CCDC57: variants seen among roughly 807,000 people sequenced by gnomAD.
CCDC57 encodes the protein coiled-coil domain containing 57.
Under a neutral mutation model 118.9 loss-of-function variants are expected in CCDC57, and 118 were observed. The observed-to-expected ratio is 0.99, with a 90% CI of 0.86 to 1.16. The LOEUF is 1.16. Among genes scored for constraint, CCDC57 ranks in the 50% most tolerant of loss-of-function variants. The pLI is 0.00. For missense variants in CCDC57, 1,300 were observed against 1,320.7 expected (o/e 0.98, Z 0.24); for synonymous variants, 527 against 532.9 (o/e 0.99, Z 0.15).
chr17:82,165,457 T>C (rs1409554709), intron 13 of CCDC57, among the ~76,000 whole-genome samples: 2 of 150,462 alleles, frequency 1.3e-5, no homozygotes, highest in Non-Finnish European at 3.0e-5. Flanking sequence ...ACTGGCCTGG[T>C]GCTAGGCAGC....
At chr17:82,189,802 G>A (rs552852923) in intron 7 of CCDC57, among the ~76,000 whole-genome samples, 3 of 152,102 alleles carry the variant, frequency 2.0e-5, no homozygotes, top group East Asian at 3.9e-4. Context: ...GCAGTGACCC[G>A]AGATCGCACC....
intron 11 of CCDC57, among the ~76,000 whole-genome samples, chr17:82,176,921 C>T (rs1262242940): frequency 6.6e-6 from 1 of 151,270 alleles, no homozygotes; most frequent in Non-Finnish European, 1.5e-5. Flanking sequence ...AGGTAAGTAA[C>T]TGAATTGGCA....
At chr17:82,163,555 A>G (rs1568325127) in intron 13 of CCDC57, among the ~76,000 whole-genome samples, 198 bp from the exon 13 acceptor site, 2 of 152,208 alleles carry the variant, frequency 1.3e-5, no homozygotes, top group African/African-American at 4.8e-5. Context: ...AGAAAGCATA[A>G]TCCTCATGTA....
chr17:82,171,746 G>A, exon 13 of CCDC57: 1 of 1,613,800 alleles, frequency 6.2e-7, no homozygotes, highest in Non-Finnish European at 8.5e-7. Flanking sequence ...GACTCAGCAT[G>A]AGGTGAGGAC....
intron 19 of CCDC57, among the ~76,000 whole-genome samples, chr17:82,102,454 A>C (rs957156728): frequency 2.6e-5 from 4 of 152,218 alleles, no homozygotes; most frequent in African/African-American, 9.6e-5. Context: ...CTTCCTAAAC[A>C]TCGGCTAAAA....
intron 14 of CCDC57, among the ~76,000 whole-genome samples, chr17:82,158,644 C>T (rs2042951175): frequency 2.0e-5 from 3 of 148,288 alleles, no homozygotes; most frequent in South Asian, 2.2e-4. Flanking sequence ...GCCAAGATCG[C>T]GCCAGTGTAC....
chr17:82,134,160 A>C, exon 17 of CCDC57: 3 of 1,352,188 alleles, frequency 2.2e-6, no homozygotes, highest in Non-Finnish European at 2.9e-6. Context: ...TCCGGGCCTC[A>C]GGGGCAGGAG....
intron 7 of CCDC57, among the ~76,000 whole-genome samples, chr17:82,191,039 G>A (rs922393331): frequency 9.9e-5 from 15 of 151,784 alleles, no homozygotes; most frequent in African/African-American, 1.2e-4. Flanking sequence ...TCTAGATGTC[G>A]TGCCTGACTT....
At chr17:82,138,791 G>A (rs2039642431) in intron 16 of CCDC57, among the ~76,000 whole-genome samples, 2 of 151,620 alleles carry the variant, frequency 1.3e-5, no homozygotes, top group South Asian at 2.1e-4. Flanking sequence ...GAGACGTCCC[G>A]GGTGCCCACG....
At chr17:82,152,100 C>A in intron 15 of CCDC57, 1 of 337,468 alleles carries the variant, frequency 3.0e-6, no homozygotes, top group Non-Finnish European at 5.6e-6. Context: ...TTCAAGTGAA[C>A]ACAAGGAGAA....
exon 9 of CCDC57, chr17:82,183,887 T>C (rs753560522): frequency 1.4e-5 from 23 of 1,613,696 alleles, no homozygotes; most frequent in Non-Finnish European, 1.8e-5. Flanking sequence ...GTTGAGCAAT[T>C]TGAGCATCCC....
chr17:82,158,100 G>C (rs1232898240), intron 14 of CCDC57, among the ~76,000 whole-genome samples, 152 bp from the exon 14 acceptor site: 2 of 152,198 alleles, frequency 1.3e-5, no homozygotes, highest in African/African-American at 4.8e-5. Context: ...ACTGCCCTCA[G>C]CCCTCTGCCC....
chr17:82,115,882 C>A (rs572373600), intron 19 of CCDC57, among the ~76,000 whole-genome samples: 44 of 148,248 alleles, frequency 3.0e-4, no homozygotes, highest in African/African-American at 1.1e-3. Flanking sequence ...ACTGTAACCT[C>A]CACCCTCCGA....
intron 1 of CCDC57, among the ~76,000 whole-genome samples, chr17:82,208,567 C>T (rs1231962863): frequency 6.6e-6 from 1 of 152,132 alleles, no homozygotes; most frequent in Non-Finnish European, 1.5e-5. Flanking sequence ...ATACCCTTAA[C>T]TTATAAGACA....
At chr17:82,146,815 GCACA>G (rs573524279) in intron 16 of CCDC57, among the ~76,000 whole-genome samples, 15 of 152,292 alleles carry the variant, frequency 9.8e-5, no homozygotes, top group South Asian at 2.1e-4. Flanking sequence ...AAACGTGTGT[GCACA>G]CAGTCTCACA....
intron 19 of CCDC57, among the ~76,000 whole-genome samples, chr17:82,124,624 A>C (rs6502058): frequency 0.54 from 81,291 of 151,586 alleles, 22,616 homozygotes; most frequent in Non-Finnish European, 0.58. Context: ...GACACCTTGT[A>C]CCTACAAAAA....
chr17:82,188,302 G>C lies in CCDC57; in HGVS notation c.969C>G (p.His323Gln). 6.3e-7 allele frequency: 1 copy of C among 1,599,588 alleles called. No individual in the cohort carries two copies. The highest frequency in any genetic ancestry group is 1.7e-5 in the Admixed American group (1 of 58,186). ...GGAGCTGCGCCTCGAGGGTCTCGCA[G>C]TGGGCCTGCAGCTCCAGAACCCTGG... The change falls in exon 8 of 20, where the codon CAC becomes CAG. Residue 323 changes from histidine (H) to glutamine (Q), a missense_variant. Physicochemically the swap from His to Gln is conservative, Grantham distance 24. Transcript: ENST00000665763.
intron 3 of CCDC57, 59 bp from the exon 3 acceptor site, chr17:82,198,481 AT>A: frequency 8.4e-7 from 1 of 1,187,560 alleles, no homozygotes; most frequent in Middle Eastern, 1.9e-4. Context: ...AAGGTAATAC[AT>A]TTTCAAGGTG....
chr17:82,163,426 C>A, intron 13 of CCDC57, 69 bp from the exon 13 acceptor site: 1 of 1,564,028 alleles, frequency 6.4e-7, no homozygotes, highest in Non-Finnish European at 8.7e-7. Context: ...GGGAGACACA[C>A]ATCTCTATCA....
Sources: allele counts gnomAD v4.1 joint callset (sites outside exome capture counted in the v4.1 genomes callset), GRCh38; gene constraint gnomAD v4.1.1; transcripts MANE v1.5; gene names NCBI Gene and HGNC (gene_info 2026-07-23, HGNC 2026-07-21).